Variants in FGF14 observed in about 807,000 individuals in gnomAD.
The protein encoded by FGF14 is fibroblast growth factor 14, also known as fibroblast growth factor homologous factor 4.
A neutral mutation model predicts 25.5 loss-of-function variants in FGF14; 5 were observed. The observed-to-expected ratio is 0.20, with a 90% confidence interval of 0.10 to 0.41. FGF14 has a LOEUF of 0.41. Among genes scored for constraint, FGF14 ranks in the 10% least tolerant of loss-of-function variants. The pLI, the probability that FGF14 is intolerant of heterozygous loss-of-function variation, is 1.00. For missense variants in FGF14, 222 were observed against 320.1 expected (o/e 0.69, Z 2.34); for synonymous variants, 138 against 118.3 (o/e 1.17, Z -1.08).
intron 1 of FGF14, among the ~76,000 whole-genome samples, chr13:101,969,334 T>C (rs1008133951): frequency 2.6e-5 from 4 of 151,984 alleles, no homozygotes; most frequent in South Asian, 2.1e-4. Flanking sequence ...GAGGCCGAGG[T>C]GGGCGGATCA....
chr13:101,722,698 G>T lies in FGF14; in HGVS notation c.*133C>A. 1 of 1,254,512 alleles carries T rather than the reference G, an allele frequency of 8.0e-7. No individual in the cohort carries two copies. The highest frequency in any genetic ancestry group is 1.1e-6 in the Non-Finnish European group (1 of 879,716). The allele number at this position is 1,254,512 out of a possible 1,614,324, so 77.7% of individuals were successfully genotyped here. On this transcript the variant is annotated 3_prime_UTR_variant, in exon 5 of 5. Coordinates refer to ENST00000376143, the MANE Select transcript of FGF14 (RefSeq NM_004115.4). ...AGATTTATCCACTTGCAACAGAGAA[G>T]TTCGGAGACAGCAAAGAATAAGCAT...
intron 1 of FGF14, among the ~76,000 whole-genome samples, chr13:101,987,959 A>C (rs2038683307): frequency 6.6e-6 from 1 of 152,074 alleles, no homozygotes; most frequent in Admixed American, 6.6e-5. Flanking sequence ...GTGAATAGCT[A>C]TGATGTATTT....
At chr13:101,975,066 G>A (rs1057430879) in intron 1 of FGF14, among the ~76,000 whole-genome samples, 1 of 151,992 alleles carries the variant, frequency 6.6e-6, no homozygotes, top group Non-Finnish European at 1.5e-5. Context: ...TGCGTTGATT[G>A]AGGTGGCCCT....
chr13:101,738,956 G>GTGTA (rs1425333624), intron 3 of FGF14, among the ~76,000 whole-genome samples: 17 of 146,200 alleles, frequency 1.2e-4, no homozygotes, highest in South Asian at 2.2e-4. Context: ...GTGTGTGTGT[G>GTGTA]TATATATATA....
intron 3 of FGF14, among the ~76,000 whole-genome samples, chr13:101,792,871 GCTT>G (rs1319771769): frequency 2.0e-5 from 3 of 151,806 alleles, no homozygotes; most frequent in African/African-American, 7.3e-5. Context: ...AATTTGATTG[GCTT>G]TTTTTGTATA....
At chr13:102,038,052 A>G (rs1482870276) in intron 1 of FGF14, among the ~76,000 whole-genome samples, 1 of 152,198 alleles carries the variant, frequency 6.6e-6, no homozygotes, top group Non-Finnish European at 1.5e-5. Flanking sequence ...GTACAGCTAG[A>G]GAGATTGCTA....
intron 1 of FGF14, among the ~76,000 whole-genome samples, chr13:102,377,037 A>G (rs1262932542): frequency 1.3e-5 from 2 of 152,002 alleles, no homozygotes; most frequent in East Asian, 3.9e-4. Context: ...GTTTCCTACA[A>G]GGTCCTTGAA....
chr13:101,925,546 T>G (rs2034305608), intron 1 of FGF14, among the ~76,000 whole-genome samples: 1 of 152,252 alleles, frequency 6.6e-6, no homozygotes, highest in Non-Finnish European at 1.5e-5. Flanking sequence ...GCCTCTGATC[T>G]TGTAATCTAC....
intron 3 of FGF14, among the ~76,000 whole-genome samples, chr13:101,845,722 C>A (rs757834210): frequency 2.0e-5 from 3 of 151,948 alleles, no homozygotes; most frequent in Non-Finnish European, 4.4e-5. Context: ...GGTACTGTAA[C>A]ATGCTAGGAG....
chr13:102,175,124 C>G (rs2048393955), intron 1 of FGF14, among the ~76,000 whole-genome samples: 1 of 151,976 alleles, frequency 6.6e-6, no homozygotes, highest in Non-Finnish European at 1.5e-5. Context: ...CAAAAAACAG[C>G]CTTGAATAGC....
At chr13:102,255,658 T>A (rs1309204027) in intron 1 of FGF14, among the ~76,000 whole-genome samples, 1 of 152,160 alleles carries the variant, frequency 6.6e-6, no homozygotes. Flanking sequence ...AGTAAGTAAT[T>A]ATCTCATCAA....
At chr13:102,095,315 A>T (rs989255454) in intron 1 of FGF14, among the ~76,000 whole-genome samples, 1 of 152,108 alleles carries the variant, frequency 6.6e-6, no homozygotes, top group Admixed American at 6.5e-5. Context: ...CTTGATGGAG[A>T]CGACTGCTTC....
intron 1 of FGF14, among the ~76,000 whole-genome samples, chr13:101,907,373 G>C (rs572406533): frequency 6.6e-6 from 1 of 152,076 alleles, no homozygotes; most frequent in Non-Finnish European, 1.5e-5. Context: ...AAAGATGATC[G>C]CATAAAGGGT....
chr13:102,292,627 C>T (rs537822671), intron 1 of FGF14: 10 of 152,266 alleles, frequency 6.6e-5, no homozygotes, highest in Admixed American at 5.2e-4. Context: ...GTCAGCAAAA[C>T]GTTATATATC....
intron 1 of FGF14, among the ~76,000 whole-genome samples, chr13:101,936,797 T>A (rs1468879817): frequency 6.6e-6 from 1 of 152,210 alleles, no homozygotes; most frequent in Non-Finnish European, 1.5e-5. Context: ...AATGAAGGAC[T>A]GAATGAATGA....
At chr13:101,974,344 C>G (rs555000354) in intron 1 of FGF14, among the ~76,000 whole-genome samples, 3 of 152,268 alleles carry the variant, frequency 2.0e-5, no homozygotes, top group East Asian at 1.9e-4. Context: ...CAAGGTCACA[C>G]AGCTAATAAG....
chr13:101,984,852 G>A (rs780641039), intron 1 of FGF14, among the ~76,000 whole-genome samples: 1 of 152,072 alleles, frequency 6.6e-6, no homozygotes, highest in Non-Finnish European at 1.5e-5. Context: ...ACAATTATAT[G>A]CAGGTAGCAT....
intron 1 of FGF14, among the ~76,000 whole-genome samples, chr13:102,137,672 CTTTG>C (rs1566733537): frequency 6.6e-6 from 1 of 152,088 alleles, no homozygotes; most frequent in Non-Finnish European, 1.5e-5. Context: ...CTCAAAATGT[CTTTG>C]TTTGAATGAA....
chr13:102,285,588 AT>A lies in FGF14; in HGVS notation c.208+115882del, dbSNP rs374625569. ...ACACTACATTCCAACATTTCTAATG[AT>A]TTTTCTTCACAAACTCTCTACATTT... On this transcript the variant is annotated intron_variant, in intron 1 of 4. Coordinates refer to the FGF14 transcript ENST00000376131. 2.8e-4 allele frequency among the ~76,000 whole-genome samples: 43 copies of A among 152,266 alleles called. No individual in the cohort carries two copies. In the East Asian group the frequency reaches 6.6e-3, roughly 23 times the overall value.
Sources: allele counts gnomAD v4.1 joint callset (sites outside exome capture counted in the v4.1 genomes callset), GRCh38; gene constraint gnomAD v4.1.1; transcripts MANE v1.5; gene names NCBI Gene and HGNC (gene_info 2026-07-23, HGNC 2026-07-21).